ARHGEF9: variants seen among roughly 807,000 people sequenced by gnomAD.
ARHGEF9 encodes rho guanine nucleotide exchange factor 9.
A neutral mutation model predicts 41.3 loss-of-function variants in ARHGEF9; 2 were observed. That is an observed-to-expected ratio of 0.05 (90% CI 0.02 to 0.15). ARHGEF9 has a LOEUF of 0.15. Among genes scored for constraint, ARHGEF9 ranks in the 10% least tolerant of loss-of-function variants. The pLI, the probability that ARHGEF9 is intolerant of heterozygous loss-of-function variation, is 1.00. For missense variants in ARHGEF9, 225 were observed against 424.7 expected (o/e 0.53, Z 4.13); for synonymous variants, 160 against 154.4 (o/e 1.04, Z -0.27).
intron 8 of ARHGEF9, among the ~76,000 whole-genome samples, chrX:63,650,859 AT>A (rs782685270): frequency 3.6e-5 from 4 of 111,146 alleles, no homozygotes; most frequent in African/African-American, 1.3e-4. Context: ...TATATGAAAT[AT>A]TATGAACCCA....
At chrX:63,648,767 A>C (rs2147179848) in intron 8 of ARHGEF9, among the ~76,000 whole-genome samples, 1 of 111,518 alleles carries the variant, frequency 9.0e-6, no homozygotes, top group South Asian at 3.8e-4. Flanking sequence ...TCTACCAAGC[A>C]AATGGAAAAC....
At chrX:63,713,164 C>G (rs2053054280) in intron 2 of ARHGEF9, 1 of 111,399 alleles carries the variant, frequency 9.0e-6, no homozygotes, top group Admixed American at 9.5e-5. Flanking sequence ...TTGATATTTT[C>G]AAAGGCCAAA....
chrX:63,718,525 G>A (rs1296460684), intron 2 of ARHGEF9, among the ~76,000 whole-genome samples: 12 of 110,329 alleles, frequency 1.1e-4, no homozygotes, highest in Admixed American at 1.9e-4. Flanking sequence ...GAGAAAAACA[G>A]GTGCCAGGCC....
intron 1 of ARHGEF9, among the ~76,000 whole-genome samples, chrX:63,768,077 G>C (rs1188305699): frequency 4.5e-5 from 5 of 111,916 alleles, no homozygotes; most frequent in African/African-American, 1.6e-4. Context: ...TAGTGCACCA[G>C]CCACCCAAGT....
chrX:63,751,343 A>T (rs1196211586), intron 1 of ARHGEF9, among the ~76,000 whole-genome samples: 5 of 111,741 alleles, frequency 4.5e-5, no homozygotes, highest in Non-Finnish European at 9.4e-5. Flanking sequence ...GAAGGAAAAA[A>T]GAAGACAAGT....
rs1475785550 is a variant in ARHGEF9 at position 63,755,158 on chromosome X, C to T, written c.30+29958G>A. On this transcript the variant is annotated intron_variant, in intron 1 of 9. Transcript: ENST00000671741. Reference sequence around the variant, plus strand: ...GCCCATAGGCTGCCTTTTTATTCACCGAGCGACTGCGGGCGCTTGCGTGAG... The same window carrying T: ...GCCCATAGGCTGCCTTTTTATTCACTGAGCGACTGCGGGCGCTTGCGTGAG... 7.5e-6 allele frequency: 7 copies of T among 938,785 alleles called. No individual in the cohort carries two copies. In the South Asian group the frequency reaches 2.9e-4, roughly 39 times the overall value. 77.4% of individuals were successfully genotyped at this position (938,785 alleles called of 1,213,427 possible).
intron 5 of ARHGEF9, among the ~76,000 whole-genome samples, chrX:63,678,050 T>C (rs1312191498): frequency 9.0e-6 from 1 of 111,310 alleles, no homozygotes; most frequent in African/African-American, 3.3e-5. Flanking sequence ...TTGATGCTGC[T>C]TCTCTAACAA....
chrX:63,722,786 CATT>C (rs2053715504), intron 2 of ARHGEF9: 1 of 111,859 alleles, frequency 8.9e-6, no homozygotes, highest in African/African-American at 3.3e-5. Context: ...CAGGGCCTCA[CATT>C]AGTCCTGAAG....
intron 2 of ARHGEF9, among the ~76,000 whole-genome samples, chrX:63,707,981 T>A (rs1367410974): frequency 8.9e-6 from 1 of 111,948 alleles, no homozygotes; most frequent in African/African-American, 3.3e-5. Flanking sequence ...TGTATCTCTA[T>A]CCAAAACCTA....
chrX:63,677,661 G>A (rs2050345841), intron 5 of ARHGEF9, among the ~76,000 whole-genome samples: 2 of 111,130 alleles, frequency 1.8e-5, no homozygotes, highest in African/African-American at 6.6e-5. Context: ...GAGCGCAAGG[G>A]GTGAGAGGAG....
At chrX:63,674,944 C>G (rs782317883) in intron 5 of ARHGEF9, among the ~76,000 whole-genome samples, 6 of 111,837 alleles carry the variant, frequency 5.4e-5, no homozygotes, top group Non-Finnish European at 9.4e-5. Flanking sequence ...TGCTCCTGCT[C>G]TATCAGGTAG....
At chrX:63,694,728 G>C (rs1162554717) in intron 4 of ARHGEF9, among the ~76,000 whole-genome samples, 4 of 112,092 alleles carry the variant, frequency 3.6e-5, no homozygotes, top group Non-Finnish European at 7.5e-5. Flanking sequence ...GTCTAGATAA[G>C]AGGACTTTGT....
intron 5 of ARHGEF9, among the ~76,000 whole-genome samples, chrX:63,677,790 A>G (rs1465354903): frequency 9.0e-6 from 1 of 110,651 alleles, no homozygotes; most frequent in Non-Finnish European, 1.9e-5. Context: ...TGCCCACCAA[A>G]CCCCCAAAAA....
intron 1 of ARHGEF9, among the ~76,000 whole-genome samples, chrX:63,754,093 T>C (rs1230525064): frequency 4.5e-5 from 5 of 111,892 alleles, no homozygotes; most frequent in African/African-American, 9.8e-5. Context: ...TTCAAGGAAA[T>C]GAGTTAAGAC....
intron 1 of ARHGEF9, among the ~76,000 whole-genome samples, chrX:63,735,154 G>C (rs781904080): frequency 9.0e-6 from 1 of 111,682 alleles, no homozygotes; most frequent in Non-Finnish European, 1.9e-5. Context: ...GACAAACCTA[G>C]GGAATATGCA....
chrX:63,658,804 A>T (rs781878082), intron 7 of ARHGEF9, among the ~76,000 whole-genome samples: 168 of 112,170 alleles, frequency 1.5e-3, no homozygotes, highest in African/African-American at 5.3e-3. Context: ...TTTTCAATTT[A>T]CATAGCTGCC....
At chrX:63,727,151 T>A (rs2054019832) in intron 1 of ARHGEF9, 1 of 111,860 alleles carries the variant, frequency 8.9e-6, no homozygotes, top group Non-Finnish European at 1.9e-5. Context: ...CCATAGCTTT[T>A]TATCAAGGGT....
At chrX:63,723,548 C>T (rs2053766493) in intron 2 of ARHGEF9, among the ~76,000 whole-genome samples, 1 of 112,003 alleles carries the variant, frequency 8.9e-6, no homozygotes, top group Non-Finnish European at 1.9e-5. Context: ...CATGTAGCTT[C>T]AGTACTTGTC....
intron 4 of ARHGEF9, among the ~76,000 whole-genome samples, chrX:63,687,914 T>C (rs1473969161): frequency 1.8e-5 from 2 of 110,786 alleles, no homozygotes; most frequent in Non-Finnish European, 3.8e-5. Context: ...AAGAGGATGT[T>C]GAGAAAGAAC....
Sources: gnomAD v4.1 joint callset for allele counts (sites outside exome capture counted in the v4.1 genomes callset) on GRCh38, gnomAD v4.1.1 for gene constraint, MANE v1.5 for transcripts, NCBI Gene and HGNC (gene_info 2026-07-23, HGNC 2026-07-21) for gene names.